KICS2: variants seen among roughly 807,000 people sequenced by gnomAD.
KICS2 encodes the protein KICSTOR subunit 2.
A neutral mutation model predicts 31.4 loss-of-function variants in KICS2; 13 were observed. The ratio of observed to expected loss-of-function variants is 0.41; its 90% confidence interval spans 0.27 to 0.66. KICS2 has a LOEUF of 0.66. KICS2 is among the 30% of genes least tolerant of loss of function. The pLI is 0.28. For synonymous variants in KICS2, 209 were observed against 214.8 expected, an observed-to-expected ratio of 0.97 and a Z score of 0.24; for missense variants, 455 against 545.4, an observed-to-expected ratio of 0.83 and a Z score of 1.65.
At chr12:64,187,279 T>A (rs2037345898), downstream of KICS2, 1 of 262,322 alleles carries the variant, frequency 3.8e-6, no homozygotes. Context: ...TGCAGTCCCA[T>A]GTCATTGCCT....
intron 2 of KICS2, among the ~76,000 whole-genome samples, chr12:64,197,570 A>C (rs1268993329): frequency 1.3e-5 from 2 of 151,408 alleles, no homozygotes; most frequent in African/African-American, 4.9e-5. Flanking sequence ...AGCTAACATC[A>C]TAATGACAGG....
chr12:64,208,072 C>A (rs57378562), intron 2 of KICS2, among the ~76,000 whole-genome samples: 1 of 152,144 alleles, frequency 6.6e-6, no homozygotes, highest in Non-Finnish European at 1.5e-5. Flanking sequence ...TGCAGTGGTG[C>A]GATCTCAGCT....
At chr12:64,212,647 T>C (rs985222016) in intron 2 of KICS2, among the ~76,000 whole-genome samples, 1 of 152,202 alleles carries the variant, frequency 6.6e-6, no homozygotes, top group Non-Finnish European at 1.5e-5. Context: ...AACATTCATG[T>C]CAATGGTTTT....
chr12:64,210,208 C>T (rs577136212), intron 2 of KICS2, among the ~76,000 whole-genome samples: 10 of 152,266 alleles, frequency 6.6e-5, no homozygotes, highest in African/African-American at 9.6e-5. Context: ...CATTTTCAGG[C>T]TAGGATGTGT....
In KICS2 at chr12:64,215,709, A is replaced by G. The variant is rs1053810919; in HGVS notation, c.490T>C (p.Leu164=). Residue 164 remains leucine (L), a synonymous_variant, in exon 2 of 3, where the codon TTG becomes CTG. Transcript: ENST00000398055. ...CTGTATTTTTTCATGATGGCATCCAAAAGGCCAACGAGCTCTTCAGCATTG... is the reference window on the plus strand; with the variant it reads ...CTGTATTTTTTCATGATGGCATCCAGAAGGCCAACGAGCTCTTCAGCATTG... The part of the protein sequence containing the change: ...FINAEELVGL[L]DAIMKKYSSR... The G allele has an allele frequency of 1.1e-5, 18 of 1,613,642 alleles. No individual in the cohort carries two copies. Among genetic ancestry groups the G allele is most frequent in the Non-Finnish European group, 1.4e-5 (17 of 1,179,978 alleles).
At chr12:64,194,936 A>ATTTTTT (rs60371744) in intron 2 of KICS2, among the ~76,000 whole-genome samples, 1 of 149,448 alleles carries the variant, frequency 6.7e-6, no homozygotes. Context: ...GCTACAATTC[A>ATTTTTT]TTTTTTTTTT....
chr12:64,204,126 T>A (rs576963156), intron 2 of KICS2, among the ~76,000 whole-genome samples: 40 of 152,364 alleles, frequency 2.6e-4, no homozygotes, highest in Non-Finnish European at 4.0e-4. Flanking sequence ...AAACACTGCA[T>A]GTTCTCACTT....
At chr12:64,207,301 CAAAAAAAAA>C (rs35532711) in intron 2 of KICS2, among the ~76,000 whole-genome samples, 2 of 57,344 alleles carry the variant, frequency 3.5e-5, no homozygotes, top group Non-Finnish European at 6.4e-5. Context: ...CAACTCGTCT[CAAAAAAAAA>C]AAAAAAAAAA....
intron 2 of KICS2, among the ~76,000 whole-genome samples, chr12:64,195,773 G>A (rs988159904): frequency 6.6e-6 from 1 of 152,288 alleles, no homozygotes; most frequent in Non-Finnish European, 1.5e-5. Context: ...GCAGGGCGAG[G>A]CATTGCCTCA....
chr12:64,206,875 C>T (rs980595269), intron 2 of KICS2, among the ~76,000 whole-genome samples: 1 of 151,958 alleles, frequency 6.6e-6, no homozygotes, highest in Non-Finnish European at 1.5e-5. Flanking sequence ...CAGTGGTTGC[C>T]CAGGGCTGGG....
chr12:64,202,919 ACTT>A (rs1380775823), intron 2 of KICS2, among the ~76,000 whole-genome samples: 1 of 152,006 alleles, frequency 6.6e-6, no homozygotes, highest in Non-Finnish European at 1.5e-5. Context: ...CCAATACTGT[ACTT>A]CTTCCTGATT....
In KICS2 at chr12:64,220,614, G is replaced by A. The variant is rs114040435; in HGVS notation, c.235+1389C>T. Among the ~76,000 whole-genome samples, 1,249 of 151,262 alleles carry A rather than the reference G, an allele frequency of 8.3e-3. 24 individuals carry two copies. The highest frequency in any genetic ancestry group is 0.028 in the African/African-American group (1,167 of 41,228). ...GAGGTGGGGGAGTCTAAAAACAACT[G>A]AAACTGCCTAAATATTACCTACCTT... On this transcript the variant is annotated intron_variant, in intron 1 of 2. Transcript: ENST00000398055.
At chr12:64,203,600 T>G (rs1054543981) in intron 2 of KICS2, among the ~76,000 whole-genome samples, 1 of 152,172 alleles carries the variant, frequency 6.6e-6, no homozygotes, top group Non-Finnish European at 1.5e-5. Flanking sequence ...AAACGGACGC[T>G]TCTCACACAG....
At chr12:64,201,525 C>T (rs2037488776) in intron 2 of KICS2, among the ~76,000 whole-genome samples, 2 of 126,404 alleles carry the variant, frequency 1.6e-5, no homozygotes, top group Non-Finnish European at 3.2e-5. Context: ...TTAGTGGGTG[C>T]AGCGCACCAG....
intron 2 of KICS2, among the ~76,000 whole-genome samples, chr12:64,196,032 C>T (rs1296661171): frequency 2.0e-5 from 3 of 152,280 alleles, no homozygotes; most frequent in Non-Finnish European, 1.5e-5. Context: ...GGAGGGGCGC[C>T]CGCCATTGCC....
chr12:64,213,749 G>A (rs1392559681), intron 2 of KICS2, among the ~76,000 whole-genome samples: 1 of 152,090 alleles, frequency 6.6e-6, no homozygotes, highest in Middle Eastern at 3.2e-3. Flanking sequence ...TCGAAAATCT[G>A]CTAGCAACTC....
In KICS2 at chr12:64,196,509, A is replaced by G. The variant is rs565667515; in HGVS notation, c.522-1851T>C. ...ACCACAACGATGGGGAAAAAACAGA[A>G]CAGAAAAACTGGAAACTCTAAAACG... is the stretch of plus-strand genomic sequence containing the variant. On this transcript the variant is annotated intron_variant, in intron 2 of 2. Transcript: ENST00000398055. Among the ~76,000 whole-genome samples the G allele has an allele frequency of 4.0e-4, 61 of 151,620 alleles. 2 individuals carry two copies. Among genetic ancestry groups the G allele is most frequent in the African/African-American group, 1.4e-3 (57 of 41,088 alleles).
chr12:64,193,574 T>A lies in KICS2; in HGVS notation c.*268A>T. The A allele has an allele frequency of 8.4e-7, 1 of 1,188,970 alleles. No individual in the cohort carries two copies. The highest frequency in any genetic ancestry group is 3.3e-5 in the South Asian group (1 of 29,880). The allele number at this position is 1,188,970 out of a possible 1,614,324, so 73.7% of individuals were successfully genotyped here. A position where few individuals can be genotyped will look rare whatever the true frequency, so the allele number is the denominator to read the frequency against. On this transcript the variant is annotated 3_prime_UTR_variant, in exon 3 of 3. Transcript: ENST00000398055. ...CAATAAATATTCAATCTACAAGAAATATAGCAAAATAGGGGAAAATACTGA... is the reference window on the plus strand; with the variant it reads ...CAATAAATATTCAATCTACAAGAAAAATAGCAAAATAGGGGAAAATACTGA...
chr12:64,219,562 T>TA (rs905854967), intron 1 of KICS2, among the ~76,000 whole-genome samples: 2 of 152,050 alleles, frequency 1.3e-5, no homozygotes, highest in South Asian at 4.1e-4. Context: ...ATAAGAGAGG[T>TA]AAAAAAAGAC....
Sources: gnomAD v4.1 joint callset for allele counts (sites outside exome capture counted in the v4.1 genomes callset) on GRCh38, gnomAD v4.1.1 for gene constraint, MANE v1.5 for transcripts, NCBI Gene and HGNC (gene_info 2026-07-23, HGNC 2026-07-21) for gene names.